Variants in PATJ observed in about 807,000 individuals in gnomAD.
The protein encoded by PATJ is PATJ crumbs cell polarity complex component.
A neutral mutation model predicts 224.9 loss-of-function variants in PATJ; 190 were observed. That is an observed-to-expected ratio of 0.84 (90% CI 0.75 to 0.95). The LOEUF is 0.95. PATJ is among the 40% of genes least tolerant of loss of function. The probability of loss-of-function intolerance (pLI) is 0.00; values close to 1 mark genes in which losing one functional copy is unlikely to be tolerated. For synonymous variants in PATJ, 769 were observed against 820.3 expected, an observed-to-expected ratio of 0.94 and a Z score of 1.07; for missense variants, 2,121 against 2,270.3, an observed-to-expected ratio of 0.93 and a Z score of 1.34.
intron 27 of PATJ, among the ~76,000 whole-genome samples, chr1:61,933,062 C>T (rs538063038): frequency 1.3e-5 from 2 of 152,070 alleles, no homozygotes; most frequent in East Asian, 1.9e-4. Context: ...GTCTAATTAT[C>T]GTAAGAAGTC....
chr1:61,862,922 A>AT (rs1370449958), intron 19 of PATJ, among the ~76,000 whole-genome samples: 1 of 148,922 alleles, frequency 6.7e-6, no homozygotes, highest in Non-Finnish European at 1.5e-5. Context: ...TGTCTATTAT[A>AT]TTTTTTAGTG....
chr1:62,136,701 G>A (rs994485239), intron 41 of PATJ, among the ~76,000 whole-genome samples: 2 of 150,794 alleles, frequency 1.3e-5, no homozygotes, highest in African/African-American at 4.9e-5. Flanking sequence ...GTCTGTGTGT[G>A]TGTGTGGTGT....
intron 29 of PATJ, among the ~76,000 whole-genome samples, chr1:62,020,791 C>T (rs1168561966): frequency 6.6e-6 from 1 of 151,924 alleles, no homozygotes; most frequent in Admixed American, 6.6e-5. Flanking sequence ...AACAAAATAC[C>T]CGAGTGTCTT....
intron 1 of PATJ, among the ~76,000 whole-genome samples, chr1:61,759,475 T>C (rs1645839700): frequency 6.7e-6 from 1 of 150,324 alleles, no homozygotes; most frequent in South Asian, 2.1e-4. Context: ...AGTGGCACGA[T>C]CCCGGCTCAC....
chr1:61,744,826 C>T (rs1644943743), intron 1 of PATJ, among the ~76,000 whole-genome samples: 2 of 152,164 alleles, frequency 1.3e-5, no homozygotes, highest in Admixed American at 6.6e-5. Context: ...ATTGTTTTAC[C>T]CCGGCTTCTG....
At chr1:61,946,771 G>T (rs1678788520) in intron 27 of PATJ, among the ~76,000 whole-genome samples, 1 of 152,030 alleles carries the variant, frequency 6.6e-6, no homozygotes, top group South Asian at 2.1e-4. Flanking sequence ...CAAAAAAAGA[G>T]AATTTTAGAC....
chr1:61,893,458 A>G (rs1669878196), intron 22 of PATJ, among the ~76,000 whole-genome samples: 1 of 150,106 alleles, frequency 6.7e-6, no homozygotes, highest in Non-Finnish European at 1.5e-5. Flanking sequence ...TATTTGTTGA[A>G]GGTTGCTTTC....
At chr1:61,884,639 C>T (rs1668576350) in intron 22 of PATJ, among the ~76,000 whole-genome samples, 1 of 151,958 alleles carries the variant, frequency 6.6e-6, no homozygotes, top group South Asian at 2.1e-4. Flanking sequence ...ATTAGAGTAT[C>T]TGCTTAGAGA....
chr1:62,030,068 T>C (rs1648916528), intron 29 of PATJ, among the ~76,000 whole-genome samples: 1 of 152,110 alleles, frequency 6.6e-6, no homozygotes, highest in Admixed American at 6.6e-5. Flanking sequence ...ACTGTTGTCA[T>C]AGACCAGGCA....
chr1:61,929,997 G>A (rs989550300), intron 27 of PATJ, among the ~76,000 whole-genome samples: 1 of 152,196 alleles, frequency 6.6e-6, no homozygotes, highest in Non-Finnish European at 1.5e-5. Context: ...CGGCAGCAGT[G>A]GGGTCAGGAA....
chr1:61,914,559 C>G (rs766951841), intron 25 of PATJ, 28 bp from the exon 26 acceptor site: 1 of 1,094,774 alleles, frequency 9.1e-7, no homozygotes, highest in Non-Finnish European at 1.3e-6. Flanking sequence ...ACGTTTTCTT[C>G]CCCCCACCCC....
chr1:61,748,362 C>T (rs1176285665), intron 1 of PATJ, among the ~76,000 whole-genome samples: 6 of 135,146 alleles, frequency 4.4e-5, no homozygotes, highest in East Asian at 2.5e-4. Context: ...TCAAGCCATT[C>T]TCCTGCCTCA....
At chr1:61,808,647 T>C (rs1654064295) in intron 14 of PATJ, 117 bp downstream of exon 14, 3 of 615,748 alleles carry the variant, frequency 4.9e-6, no homozygotes, top group Non-Finnish European at 8.6e-6. Context: ...CGTGTTTCCC[T>C]CCCAAAGTGT....
intron 32 of PATJ, among the ~76,000 whole-genome samples, chr1:62,080,694 C>G (rs781598964): frequency 6.6e-6 from 1 of 152,184 alleles, no homozygotes; most frequent in African/African-American, 2.4e-5. Flanking sequence ...ACAGTACTCA[C>G]CAATGGCAAA....
chr1:61,889,331 G>A (rs1400027514), intron 22 of PATJ, among the ~76,000 whole-genome samples: 1 of 152,162 alleles, frequency 6.6e-6, no homozygotes, highest in Non-Finnish European at 1.5e-5. Flanking sequence ...TAAGAGGTCA[G>A]GTGCCCCTTG....
chr1:62,013,455 A>G, intron 28 of PATJ: 2 of 985,382 alleles, frequency 2.0e-6, no homozygotes, highest in South Asian at 9.4e-5. Context: ...ACTATGCACA[A>G]GCTATGCATG....
At chr1:61,901,578 CTATT>C (rs1671158791) in intron 24 of PATJ, 119 bp downstream of exon 24, 7 of 655,780 alleles carry the variant, frequency 1.1e-5, no homozygotes, top group Middle Eastern at 2.8e-4. Flanking sequence ...TTGGTGTGCT[CTATT>C]TATATGCCTT....
chr1:61,918,645 A>G (rs1434947442), intron 26 of PATJ, among the ~76,000 whole-genome samples: 4 of 151,940 alleles, frequency 2.6e-5, no homozygotes, highest in Admixed American at 6.6e-5. Flanking sequence ...TGCTCCATTC[A>G]TAGTAGTTCT....
chr1:61,832,649 A>G (rs1291355950), intron 16 of PATJ, among the ~76,000 whole-genome samples: 1 of 152,184 alleles, frequency 6.6e-6, no homozygotes, highest in East Asian at 1.9e-4. Context: ...CAGGCATTAT[A>G]TAGTTGAGCT....
Sources: gnomAD v4.1 joint callset for allele counts (sites outside exome capture counted in the v4.1 genomes callset) on GRCh38, gnomAD v4.1.1 for gene constraint, MANE v1.5 for transcripts, NCBI Gene and HGNC (gene_info 2026-07-23, HGNC 2026-07-21) for gene names.